TRHDE: variants seen among roughly 807,000 people sequenced by gnomAD.
TRHDE encodes thyrotropin releasing hormone degrading enzyme, also known as thyrotropin-releasing hormone-degrading ectoenzyme.
Under a neutral mutation model 125.7 loss-of-function variants are expected in TRHDE, and 72 were observed. The observed-to-expected ratio is 0.57, with a 90% CI of 0.47 to 0.70. TRHDE has a LOEUF of 0.70. Ranked by LOEUF, TRHDE falls within the 30% of genes least tolerant of loss-of-function variation. The pLI is 0.00. For missense variants in TRHDE, 1,110 were observed against 1,327.1 expected (o/e 0.84, Z 2.54); for synonymous variants, 509 against 509.1 (o/e 1.00, Z 0.00).
chr12:72,445,262 C>T (rs554432226), intron 3 of TRHDE, among the ~76,000 whole-genome samples: 2 of 151,752 alleles, frequency 1.3e-5, no homozygotes, highest in Non-Finnish European at 2.9e-5. Flanking sequence ...TGTTTTATCA[C>T]ATATTTTTTA....
intron 2 of TRHDE, among the ~76,000 whole-genome samples, chr12:72,200,535 C>G (rs568975203): frequency 1.6e-4 from 25 of 152,164 alleles, no homozygotes; most frequent in African/African-American, 6.0e-4. Flanking sequence ...AACATGTTTT[C>G]TGAGCATAAG....
chr12:72,197,767 GC>G (rs1427431846), intron 2 of TRHDE, among the ~76,000 whole-genome samples: 16 of 152,020 alleles, frequency 1.1e-4, no homozygotes, highest in African/African-American at 3.4e-4. Context: ...TCTGGATCCT[GC>G]TTACACTTTA....
chr12:72,306,458 A>C (rs937720707), intron 2 of TRHDE, among the ~76,000 whole-genome samples: 6 of 152,168 alleles, frequency 3.9e-5, no homozygotes, highest in African/African-American at 1.4e-4. Context: ...CATATAAGAC[A>C]GACTTTTGCC....
At chr12:72,165,119 C>T (rs1876716100) in intron 2 of TRHDE, among the ~76,000 whole-genome samples, 1 of 152,168 alleles carries the variant, frequency 6.6e-6, no homozygotes, top group Admixed American at 6.5e-5. Flanking sequence ...ATGGCCTCCC[C>T]ACCAATTCCC....
chr12:72,381,341 G>C (rs1408936557), intron 3 of TRHDE, among the ~76,000 whole-genome samples: 1 of 151,908 alleles, frequency 6.6e-6, no homozygotes, highest in African/African-American at 2.4e-5. Flanking sequence ...GATGTTAACA[G>C]TTAGAGGTCA....
chr12:72,623,301 T>C (rs935573092), intron 15 of TRHDE, among the ~76,000 whole-genome samples: 6 of 152,006 alleles, frequency 3.9e-5, no homozygotes, highest in Admixed American at 6.6e-5. Flanking sequence ...TATCAACATG[T>C]GCCCTTTTTC....
At chr12:72,323,535 T>C (rs1869194748) in intron 2 of TRHDE, among the ~76,000 whole-genome samples, 1 of 152,172 alleles carries the variant, frequency 6.6e-6, no homozygotes, top group African/African-American at 2.4e-5. Context: ...TTCATGGTCA[T>C]GTTTGTTCCA....
chr12:72,565,918 G>A (rs569508252), intron 9 of TRHDE, among the ~76,000 whole-genome samples: 2 of 151,936 alleles, frequency 1.3e-5, no homozygotes, highest in South Asian at 2.1e-4. Flanking sequence ...AAGTTAAACC[G>A]AAACAGCTGG....
intron 2 of TRHDE, among the ~76,000 whole-genome samples, chr12:72,302,331 G>T (rs370951217): frequency 6.6e-6 from 1 of 151,926 alleles, no homozygotes; most frequent in East Asian, 1.9e-4. Flanking sequence ...TAAAGGTGGG[G>T]TGGAGGAAAA....
intron 1 of TRHDE, among the ~76,000 whole-genome samples, chr12:72,101,988 A>T (rs1378649018): frequency 6.6e-6 from 1 of 152,192 alleles, no homozygotes; most frequent in Non-Finnish European, 1.5e-5. Flanking sequence ...TGTGTTGTTA[A>T]ATACATAGAT....
chr12:72,211,758 G>A (rs1329461625), intron 2 of TRHDE, among the ~76,000 whole-genome samples: 1 of 152,100 alleles, frequency 6.6e-6, no homozygotes, highest in Non-Finnish European at 1.5e-5. Flanking sequence ...TTTGGAGAAA[G>A]TATTTTAACA....
At chr12:72,269,939 G>C (rs776226922), upstream of TRHDE, among the ~76,000 whole-genome samples, 1 of 152,162 alleles carries the variant, frequency 6.6e-6, no homozygotes, top group Non-Finnish European at 1.5e-5. Context: ...CCTTTAGGCA[G>C]TGGGTCTTAG....
chr12:72,655,010 C>A (rs570871062), intron 17 of TRHDE, among the ~76,000 whole-genome samples: 1 of 152,074 alleles, frequency 6.6e-6, no homozygotes, highest in Non-Finnish European at 1.5e-5. Flanking sequence ...ATTTTGTCAG[C>A]GTCTTGTTCT....
At chr12:72,536,000 C>T (rs898811220) in intron 6 of TRHDE, among the ~76,000 whole-genome samples, 1 of 152,136 alleles carries the variant, frequency 6.6e-6, no homozygotes, top group Admixed American at 6.6e-5. Context: ...GGACAAAGCA[C>T]CTAATCCCTT....
chr12:72,139,403 G>A (rs1228434372), intron 2 of TRHDE, among the ~76,000 whole-genome samples: 1 of 152,088 alleles, frequency 6.6e-6, no homozygotes, highest in Admixed American at 6.5e-5. Flanking sequence ...TGACTTTAAT[G>A]TTAATAAGGT....
intron 3 of TRHDE, among the ~76,000 whole-genome samples, chr12:72,445,263 A>G (rs1370338018): frequency 6.6e-6 from 1 of 151,828 alleles, no homozygotes; most frequent in Non-Finnish European, 1.5e-5. Context: ...GTTTTATCAC[A>G]TATTTTTTAA....
At chr12:72,297,686 G>A (rs1467185702) in intron 2 of TRHDE, among the ~76,000 whole-genome samples, 1 of 152,184 alleles carries the variant, frequency 6.6e-6, no homozygotes, top group Non-Finnish European at 1.5e-5. Flanking sequence ...AGGAACAGTG[G>A]TGTAAAAGCA....
Position 72,326,405 on chromosome 12 carries a change from G to A in TRHDE, c.1188+39451G>A, listed in dbSNP as rs144903558. On this transcript the variant is annotated intron_variant, in intron 2 of 18. Transcript: ENST00000261180. The stretch of plus-strand genomic sequence containing the variant: ...CACACACTGGAGCCTGTTGAGGGGC[G>A]CGGGGCTAGGGGAGGAATAGCATTA... Among the ~76,000 whole-genome samples, 58 of 152,156 alleles carry A rather than the reference G, an allele frequency of 3.8e-4. No homozygotes were observed. The East Asian group carries it at 0.01, about 27-fold the overall frequency.
At chr12:72,561,476 A>G (rs913158277) in intron 7 of TRHDE, among the ~76,000 whole-genome samples, 1 of 152,222 alleles carries the variant, frequency 6.6e-6, no homozygotes, top group Non-Finnish European at 1.5e-5. Flanking sequence ...GAGACAAACC[A>G]TGCTTCTTAG....
Sources: allele counts gnomAD v4.1 joint callset (sites outside exome capture counted in the v4.1 genomes callset), GRCh38; gene constraint gnomAD v4.1.1; transcripts MANE v1.5; gene names NCBI Gene and HGNC (gene_info 2026-07-23, HGNC 2026-07-21).